The following PPFIA1 variants were observed in gnomAD, a reference collection of about 807,000 sequenced individuals.
PPFIA1 encodes the protein PPFI scaffold protein A1.
PPFIA1 carries 25 observed loss-of-function variants against 149.9 expected under a neutral mutation model. The observed-to-expected ratio is 0.17, with a 90% CI of 0.12 to 0.23. The LOEUF is 0.23. Ranked by LOEUF, PPFIA1 falls within the 10% of genes least tolerant of loss-of-function variation. PPFIA1 has a pLI of 1.00. For missense variants in PPFIA1, 1,362 were observed against 1,506.5 expected, an observed-to-expected ratio of 0.90 and a Z score of 1.59; for synonymous variants, 549 against 552.8, an observed-to-expected ratio of 0.99 and a Z score of 0.10.
At chr11:70,339,900 C>T (rs2055209183) in intron 14 of PPFIA1, among the ~76,000 whole-genome samples, 1 of 152,074 alleles carries the variant, frequency 6.6e-6, no homozygotes, top group African/African-American at 2.4e-5. Flanking sequence ...CCTATAATCC[C>T]AGCTACTCAG....
chr11:70,343,167 C>T (rs1002372271), intron 14 of PPFIA1, among the ~76,000 whole-genome samples: 2 of 152,016 alleles, frequency 1.3e-5, no homozygotes, highest in African/African-American at 2.4e-5. Flanking sequence ...AGGTTGGTCT[C>T]GAACTCCTGA....
intron 6 of PPFIA1, 32 bp downstream of exon 6, chr11:70,326,395 T>G (rs2054289856): frequency 6.6e-7 from 1 of 1,520,296 alleles, no homozygotes; most frequent in African/African-American, 1.4e-5. Context: ...TTATTCTGTT[T>G]GATTTCATTT....
At chr11:70,299,273 T>G (rs567909341) in intron 2 of PPFIA1, among the ~76,000 whole-genome samples, 47 of 152,212 alleles carry the variant, frequency 3.1e-4, no homozygotes, top group African/African-American at 1.1e-3. Context: ...TGGGTAGGCC[T>G]TTTGTTAGCT....
At chr11:70,331,910 G>A in intron 8 of PPFIA1, 50 bp from the exon 9 acceptor site, 1 of 1,565,020 alleles carries the variant, frequency 6.4e-7, no homozygotes, top group Non-Finnish European at 8.6e-7. Context: ...GTTAAAAACT[G>A]ATCAGCTAGA....
In PPFIA1 at chr11:70,342,936, CTTTTTTTTT is replaced by C. The variant is rs71463672; in HGVS notation, c.1708-712_1708-704del. 2.6e-3 allele frequency among the ~76,000 whole-genome samples: 200 copies of C among 78,172 alleles called. 3 individuals carry two copies. Among genetic ancestry groups the C allele is most frequent in the African/African-American group, 0.01 (167 of 16,210 alleles). The allele number at this position is 78,172 out of a possible 152,430, so 51.3% of individuals were successfully genotyped here. On this transcript the variant is annotated intron_variant, in intron 14 of 27. Coordinates refer to ENST00000253925, the MANE Select transcript of PPFIA1 (RefSeq NM_003626.5). ...TTGCAGCTATTTTGAAATGTACCACCTTTTTTTTTTTTTTTTTTTTTTTTTTTTTGAGGC... is the reference window on the plus strand; with the variant it reads ...TTGCAGCTATTTTGAAATGTACCACCTTTTTTTTTTTTTTTTTTTTGAGGC...
At chr11:70,370,123 G>C (rs1219640208) in intron 21 of PPFIA1, among the ~76,000 whole-genome samples, 1 of 151,716 alleles carries the variant, frequency 6.6e-6, no homozygotes, top group Non-Finnish European at 1.5e-5. Context: ...GCTAATTTTT[G>C]TACTTTTAGT....
rs2057766929 is a variant in PPFIA1, at chr11:70,383,015, A to G, written c.*25A>G. ...GTTTATTTTCCAGTTTACCCACACT[A>G]CTTCTACAGATGATTATGCAGCATT... On this transcript the variant is annotated 3_prime_UTR_variant, in exon 28 of 28. Coordinates refer to ENST00000253925, the MANE Select transcript of PPFIA1 (RefSeq NM_003626.5). 1 of 410,242 alleles carries G rather than the reference A, an allele frequency of 2.4e-6. No homozygotes were observed. Among genetic ancestry groups the G allele is most frequent in the African/African-American group, 2.2e-5 (1 of 46,170 alleles). 25.4% of individuals were successfully genotyped at this position (410,242 alleles called of 1,614,324 possible).
intron 2 of PPFIA1, among the ~76,000 whole-genome samples, chr11:70,308,739 C>T (rs561882039): frequency 2.6e-5 from 4 of 152,052 alleles, no homozygotes; most frequent in Non-Finnish European, 5.9e-5. Flanking sequence ...CAAGACCAGT[C>T]TGGGCAACAT....
At chr11:70,346,077 G>A (rs929248464) in intron 15 of PPFIA1, 34 of 368,088 alleles carry the variant, frequency 9.2e-5, no homozygotes, top group African/African-American at 7.2e-4. Context: ...CAGTTATAAT[G>A]CAGAACTTAC....
intron 19 of PPFIA1, among the ~76,000 whole-genome samples, chr11:70,357,233 CTG>C (rs1415991638): frequency 6.6e-6 from 1 of 152,128 alleles, no homozygotes; most frequent in Non-Finnish European, 1.5e-5. Context: ...ATGACTGTGA[CTG>C]TGGGAAAAAT....
At chr11:70,308,866 T>C (rs2053063177) in intron 2 of PPFIA1, among the ~76,000 whole-genome samples, 1 of 152,158 alleles carries the variant, frequency 6.6e-6, no homozygotes. Context: ...GAGGCTGCAG[T>C]GAGCTATGAT....
At chr11:70,281,688 GC>G (rs2050767912) in intron 2 of PPFIA1, among the ~76,000 whole-genome samples, 1 of 152,092 alleles carries the variant, frequency 6.6e-6, no homozygotes, top group African/African-American at 2.4e-5. Flanking sequence ...TCAGTGTACT[GC>G]CCCCAAATCC....
In PPFIA1 at chr11:70,355,831, C is replaced by T. The variant is rs961225563; in HGVS notation, c.2488+20C>T. 2 of 1,597,448 alleles carry T rather than the reference C, an allele frequency of 1.3e-6. No homozygotes were observed. Among genetic ancestry groups the T allele is most frequent in the Admixed American group, 3.5e-5 (2 of 57,304 alleles). ...GACAAGGTTGGTTGGTTTTCCGCAC[C>T]CTTCTCAGCACCCAGGGGTCGGGGA... On this transcript the variant is annotated intron_variant, in intron 18 of 27. Coordinates refer to ENST00000253925, the MANE Select transcript of PPFIA1 (RefSeq NM_003626.5).
Position 70,283,847 on chromosome 11 carries a change from G to A in PPFIA1, c.264+11411G>A, listed in dbSNP as rs1477048580. On this transcript the variant is annotated intron_variant, in intron 2 of 27. Transcript: ENST00000253925. Reference sequence around the variant, plus strand: ...TTGAGAGGTATTTGTGGTTGTCACAGCTAGGGCAGGGATGCTCCTAAACAT... The same window carrying A: ...TTGAGAGGTATTTGTGGTTGTCACAACTAGGGCAGGGATGCTCCTAAACAT... 13 of 442,398 alleles carry A rather than the reference G, an allele frequency of 2.9e-5. No individual in the cohort carries two copies. The East Asian group carries it at 9.3e-4, about 32-fold the overall frequency. 27.4% of individuals were successfully genotyped at this position (442,398 alleles called of 1,614,324 possible).
At chr11:70,366,988 A>G (rs994905448) in intron 21 of PPFIA1, among the ~76,000 whole-genome samples, 3 of 152,158 alleles carry the variant, frequency 2.0e-5, no homozygotes, top group African/African-American at 7.2e-5. Context: ...ATATCCCTTT[A>G]TAGGACCAAT....
At position 70,354,503 on chromosome 11, in the gene PPFIA1, T is replaced by A. The variant is rs775217784; in HGVS notation, c.2315+51T>A. ...CAGAGCGCACCTGTCTTTTCGTTTC[T>A]GGTGTTGAGAAATCGACAAATCTTT... On this transcript the variant is annotated intron_variant, in intron 17 of 27. Transcript: ENST00000253925. 2.6e-6 allele frequency: 4 copies of A among 1,536,320 alleles called. No individual in the cohort carries two copies. The East Asian group carries it at 9.2e-5, about 35-fold the overall frequency.
rs1359819681 is a variant in PPFIA1 at position 70,330,050 on chromosome 11, G to T, written c.931-123G>T. 3 of 891,518 alleles carry T rather than the reference G, an allele frequency of 3.4e-6. No homozygotes were observed. The Admixed American group carries it at 8.7e-5, about 26-fold the overall frequency. 55.2% of individuals were successfully genotyped at this position (891,518 alleles called of 1,614,324 possible). ...GAGTGAGCTGCTGTATCTGGCCTGA[G>T]GATGCTAATTTTTAATTTGATTGGA... On this transcript the variant is annotated intron_variant, in intron 7 of 27. Coordinates refer to ENST00000253925, the MANE Select transcript of PPFIA1 (RefSeq NM_003626.5).
At chr11:70,306,478 A>G (rs908700885) in intron 2 of PPFIA1, among the ~76,000 whole-genome samples, 1 of 152,190 alleles carries the variant, frequency 6.6e-6, no homozygotes, top group Non-Finnish European at 1.5e-5. Context: ...CCCTACCTAA[A>G]CACATAATTT....
chr11:70,359,854 A>T (rs2056545479), intron 19 of PPFIA1, among the ~76,000 whole-genome samples: 1 of 152,262 alleles, frequency 6.6e-6, no homozygotes. Flanking sequence ...CATGTAAATG[A>T]ACGGCCCAGA....
Sources: allele counts gnomAD v4.1 joint callset (sites outside exome capture counted in the v4.1 genomes callset), GRCh38; gene constraint gnomAD v4.1.1; transcripts MANE v1.5; gene names NCBI Gene and HGNC (gene_info 2026-07-23, HGNC 2026-07-21).